PSMD2: variants seen among roughly 807,000 people sequenced by gnomAD.
PSMD2 encodes 26S proteasome non-ATPase regulatory subunit 2.
A neutral mutation model predicts 101.5 loss-of-function variants in PSMD2; 8 were observed. The ratio of observed to expected loss-of-function variants is 0.08; its 90% confidence interval spans 0.05 to 0.14. The LOEUF is 0.14. Among genes scored for constraint, PSMD2 ranks in the 10% least tolerant of loss-of-function variants. The probability of loss-of-function intolerance (pLI) is 1.00; values close to 1 mark genes in which losing one functional copy is unlikely to be tolerated. For synonymous variants in PSMD2, 418 were observed against 433.8 expected (o/e 0.96, Z 0.45); for missense variants, 784 against 1,147.4 (o/e 0.68, Z 4.58).
rs1721762501 is a variant in PSMD2 at position 184,304,480 on chromosome 3, G to C, written c.1539+89G>C. The C allele has an allele frequency of 7.9e-7, 1 of 1,259,340 alleles. No homozygotes were observed. The highest frequency in any genetic ancestry group is 1.8e-5 in the African/African-American group (1 of 55,828). The allele number at this position is 1,259,340 out of a possible 1,614,324, so 78.0% of individuals were successfully genotyped here. Reference sequence around the variant, plus strand: ...GATAAATAATGAAAAAGAAGTAAGTGTGTGCATGTGTGCATACATGTACAT... The same window carrying C: ...GATAAATAATGAAAAAGAAGTAAGTCTGTGCATGTGTGCATACATGTACAT... On this transcript the variant is annotated intron_variant, in intron 12 of 20. Transcript: ENST00000310118. This position sits in a 1 kb window ranked among gnomAD's most constrained non-coding sequence, Gnocchi z 4.1.
intron 15 of PSMD2, 67 bp downstream of exon 15, chr3:184,306,562 G>A: frequency 6.4e-7 from 1 of 1,566,628 alleles, no homozygotes; most frequent in Admixed American, 2.0e-5. Flanking sequence ...GGGAGGCTGG[G>A]TTTGGTTTTT....
Position 184,304,009 on chromosome 3 carries a change from T to C in PSMD2, c.1386T>C (p.Ala462=). The C allele has an allele frequency of 1.2e-6, 2 of 1,614,228 alleles. No homozygotes were observed. The highest frequency in any genetic ancestry group is 1.1e-5 in the South Asian group (1 of 91,088). The change falls in exon 11 of 21, where the codon GCT becomes GCC. Residue 462 remains alanine (A), a synonymous_variant. Transcript: ENST00000310118. This position sits in a 1 kb window ranked among gnomAD's most constrained non-coding sequence, Gnocchi z 4.1. ...GGGTCCGGAATGAGTGTGACCCTGC[T>C]CTGGCACTGCTCTCAGACTATGTTC... is the stretch of plus-strand genomic sequence containing the variant. ...NSGVRNECDP[A]LALLSDYVLH...
intron 8 of PSMD2, 42 bp downstream of exon 8, chr3:184,303,104 G>C: frequency 6.3e-7 from 1 of 1,590,980 alleles, no homozygotes; most frequent in South Asian, 1.1e-5. Flanking sequence ...GGGATTGTAG[G>C]TATGCCCCTT....
rs537591885 is a variant in PSMD2 at position 184,302,835 on chromosome 3, C to T, written c.1008+12C>T. ...CCTTAGCTCGGGAGGTGAGACTGCC[C>T]TTTTTTCATCAAGGCCTTTTCGTCA... On this transcript the variant is annotated intron_variant, in intron 7 of 20. Transcript: ENST00000310118. 3.7e-5 allele frequency: 60 copies of T among 1,614,028 alleles called. 1 individual carries two copies. In the East Asian group the frequency reaches 1.2e-3, roughly 32 times the overall value.
In PSMD2 at chr3:184,307,883, T is replaced by C. The variant is rs1300342469; in HGVS notation, c.2299-7T>C. On this transcript the variant is annotated splice_region_variant and splice_polypyrimidine_tract_variant and intron_variant, in intron 18 of 20. Coordinates refer to ENST00000310118, the MANE Select transcript of PSMD2 (RefSeq NM_002808.5). ...TCCTCACCTCTACTTCCCTCTGTTT[T>C]TTTCAGGGCCTGACACATTTAGGGA... 2.5e-6 allele frequency: 4 copies of C among 1,613,942 alleles called. No homozygotes were observed. In the African/African-American group the frequency reaches 5.3e-5, roughly 22 times the overall value.
In PSMD2 at chr3:184,304,235, C is replaced by T; in HGVS notation, c.1452-69C>T. 6.4e-7 allele frequency: 1 copy of T among 1,563,784 alleles called. No homozygotes were observed. The highest frequency in any genetic ancestry group is 8.8e-7 in the Non-Finnish European group (1 of 1,134,438). On this transcript the variant is annotated intron_variant, in intron 11 of 20. Coordinates refer to ENST00000310118, the MANE Select transcript of PSMD2 (RefSeq NM_002808.5). The surrounding 1 kb of genome is among the most constrained non-coding windows in gnomAD (Gnocchi z 4.1). ...TGAAATGGTGAATGAATGACCGATTCTCCTTTTGTTCTTTTCTTGCTGCAT... is the reference window on the plus strand; with the variant it reads ...TGAAATGGTGAATGAATGACCGATTTTCCTTTTGTTCTTTTCTTGCTGCAT...
chr3:184,306,952 C>CTTTCTTT, intron 16 of PSMD2, 118 bp downstream of exon 16: 1 of 836,046 alleles, frequency 1.2e-6, no homozygotes, highest in Non-Finnish European at 1.9e-6. Context: ...TGTGCCTTTT[C>CTTTCTTT]TTTCTTTTTT....
Position 184,307,382 on chromosome 3 carries a change from G to A in PSMD2, c.2060G>A (p.Arg687Gln). The change falls in exon 17 of 21, where the codon CGG becomes CAG. Residue 687 changes from arginine to glutamine, a missense_variant. Arg to Gln is a conservative substitution (Grantham distance 43). This residue lies in a region of PSMD2 where 282 missense variants were observed against 437.6 expected (regional missense o/e 0.64). Transcript: ENST00000310118. ...HLLRYGEPTL[R>Q]RAVPLALALI... is the part of the protein sequence containing the mutation. The stretch of plus-strand genomic sequence containing the variant: ...CTGAGATATGGGGAGCCTACACTCC[G>A]GAGGGCTGTACCTTTAGCACTGGCC... 1.2e-6 allele frequency: 2 copies of A among 1,614,118 alleles called. No homozygotes were observed. The highest frequency in any genetic ancestry group is 8.5e-7 in the Non-Finnish European group (1 of 1,179,998).
rs17856236 is a variant in PSMD2, at chr3:184,307,492, A to G, written c.2170A>G (p.Asn724Asp). Residue 724 changes from asparagine to aspartate, a missense_variant, in exon 17 of 21, where the codon AAC (asparagine) becomes GAC (aspartate). This residue lies in a region of PSMD2 where 282 missense variants were observed against 437.6 expected (regional missense o/e 0.64). Transcript: ENST00000310118. ...SHDADPEVSY[N>D]SIFAMGMVGS... ...TGATGCTGATCCAGAAGTTTCCTAT[A>G]ACTCCATTTTTGCCATGGGCATGGT... 6 of 1,614,044 alleles carry G rather than the reference A, an allele frequency of 3.7e-6. No homozygotes were observed. The highest frequency in any genetic ancestry group is 3.4e-6 in the Non-Finnish European group (4 of 1,180,046).
At chr3:184,305,702 A>G in intron 12 of PSMD2, 66 bp from the exon 13 acceptor site, 1 of 1,446,158 alleles carries the variant, frequency 6.9e-7, no homozygotes, top group Non-Finnish European at 9.5e-7. Flanking sequence ...GGAATAGGCT[A>G]TCTTGAATCA....
At position 184,304,955 on chromosome 3, in the gene PSMD2, T is replaced by C. The variant is rs568906825; in HGVS notation, c.1539+564T>C. On this transcript the variant is annotated intron_variant, in intron 12 of 20. Transcript: ENST00000310118. This position sits in a 1 kb window ranked among gnomAD's most constrained non-coding sequence, Gnocchi z 4.1. Reference sequence around the variant, plus strand: ...TCCCTTGGAATCTCTGAGAAACTACTTGGACTAGAGTGAAGTGTAACTTAA... The same window carrying C: ...TCCCTTGGAATCTCTGAGAAACTACCTGGACTAGAGTGAAGTGTAACTTAA... 1.3e-5 allele frequency among the ~76,000 whole-genome samples: 2 copies of C among 152,320 alleles called. No individual in the cohort carries two copies. The highest frequency in any genetic ancestry group is 1.9e-4 in the East Asian group (1 of 5,180).
At chr3:184,302,218 A>T in intron 5 of PSMD2, 147 bp downstream of exon 5, 1 of 1,175,406 alleles carries the variant, frequency 8.5e-7, no homozygotes, top group Non-Finnish European at 1.2e-6. Context: ...TTTCTTGAGG[A>T]CAGAGACTTT....
intron 1 of PSMD2, 92 bp from the exon 2 acceptor site, chr3:184,299,758 AG>A: frequency 9.5e-7 from 1 of 1,052,790 alleles, no homozygotes; most frequent in Non-Finnish European, 1.5e-6. Flanking sequence ...CCTCCTAAGG[AG>A]GCAGGCTTAT....
In PSMD2 at chr3:184,306,804, A is replaced by G. The variant is rs759090208; in HGVS notation, c.2004A>G (p.Ala668=). Residue 668 remains alanine, a synonymous_variant, in exon 16 of 21, where the codon GCA becomes GCG. Coordinates refer to ENST00000310118, the MANE Select transcript of PSMD2 (RefSeq NM_002808.5). ...ALIAMGEEIG[A]EMALRTFGHL... ...TTGCTATGGGGGAGGAGATTGGTGC[A>G]GAGATGGCATTACGAACCTTTGGCC... 6.2e-7 allele frequency: 1 copy of G among 1,613,898 alleles called. No homozygotes were observed. The highest frequency in any genetic ancestry group is 1.3e-5 in the African/African-American group (1 of 74,854).
At chr3:184,301,798 G>GTGCT in intron 4 of PSMD2, 49 bp from the exon 5 acceptor site, 1 of 1,612,474 alleles carries the variant, frequency 6.2e-7, no homozygotes, top group Non-Finnish European at 8.5e-7. Context: ...CCACAGAGAA[G>GTGCT]TGCTTCCCCT....
intron 3 of PSMD2, among the ~76,000 whole-genome samples, chr3:184,301,040 G>A (rs1245365174): frequency 1.3e-5 from 2 of 152,000 alleles, no homozygotes; most frequent in African/African-American, 4.8e-5. Flanking sequence ...AGTTTAAAAG[G>A]AAGACAGTGG....
rs1266963143 is a variant in PSMD2, at chr3:184,302,479, C to T, written c.814C>T (p.Leu272Phe). Reference sequence around the variant, plus strand: ...TGAAGCTCTGAGATTGGCATTGATGCTCAATGACATGGAGTTGGTAGAAGA... The same window carrying T: ...TGAAGCTCTGAGATTGGCATTGATGTTCAATGACATGGAGTTGGTAGAAGA... ...FPEALRLALM[L>F]NDMELVEDIF... The change falls in exon 6 of 21, where the codon CTC (leucine) becomes TTC (phenylalanine). Residue 272 changes from leucine (L) to phenylalanine (F), a missense_variant. Physicochemically the swap from Leu to Phe is conservative, Grantham distance 22. Coordinates refer to ENST00000310118, the MANE Select transcript of PSMD2 (RefSeq NM_002808.5). 2 of 1,613,974 alleles carry T rather than the reference C, an allele frequency of 1.2e-6. No homozygotes were observed. Among genetic ancestry groups the T allele is most frequent in the Non-Finnish European group, 1.7e-6 (2 of 1,180,002 alleles).
rs762271069 is a variant in PSMD2, at chr3:184,299,902, C to G, written c.187C>G (p.Leu63Val). 1.2e-6 allele frequency: 2 copies of G among 1,613,522 alleles called. No individual in the cohort carries two copies. Among genetic ancestry groups the G allele is most frequent in the Non-Finnish European group, 1.7e-6 (2 of 1,179,536 alleles). Residue 63 changes from leucine to valine, a missense_variant, in exon 2 of 21, where the codon CTA becomes GTA. Physicochemically the swap from Leu to Val is conservative, Grantham distance 32. This residue lies in a region of PSMD2 where 196 missense variants were observed against 182.4 expected (regional missense o/e 1.07). Coordinates refer to ENST00000310118, the MANE Select transcript of PSMD2 (RefSeq NM_002808.5). ...TGAACTGGAGATGCTCGTGGAACGA[C>G]TAGGGGTGAGTCACGATGTTAACAT... ...QDELEMLVER[L>V]GEKDTSLYRP...
chr3:184,307,867 C>G, intron 18 of PSMD2, 23 bp from the exon 19 acceptor site: 1 of 1,614,024 alleles, frequency 6.2e-7, no homozygotes, highest in Non-Finnish European at 8.5e-7. Flanking sequence ...CTCCTCACCT[C>G]TACTTCCCTC....
Sources: gnomAD v4.1 joint callset for allele counts (sites outside exome capture counted in the v4.1 genomes callset) on GRCh38, gnomAD v4.1.1 for gene constraint, gnomAD v4.1.1 regional missense constraint, Gnocchi (gnomAD v3.1) non-coding constraint, MANE v1.5 for transcripts, NCBI Gene and HGNC (gene_info 2026-07-23, HGNC 2026-07-21) for gene names.